PTPRT: variants seen among roughly 807,000 people sequenced by gnomAD.
PTPRT encodes the protein receptor-type tyrosine-protein phosphatase T.
PTPRT carries 56 observed loss-of-function variants against 176.8 expected under a neutral mutation model. That is an observed-to-expected ratio of 0.32 (90% CI 0.26 to 0.40). The LOEUF is 0.40. Ranked by LOEUF, PTPRT falls within the 10% of genes least tolerant of loss-of-function variation. The pLI, the probability that PTPRT is intolerant of heterozygous loss-of-function variation, is 1.00. For missense variants in PTPRT, 1,540 were observed against 1,908.2 expected, an observed-to-expected ratio of 0.81 and a Z score of 3.60; for synonymous variants, 783 against 739.0, an observed-to-expected ratio of 1.06 and a Z score of -0.96.
intron 2 of PTPRT, among the ~76,000 whole-genome samples, chr20:42,793,643 A>G (rs4812645): frequency 0.13 from 20,454 of 152,178 alleles, 1,669 homozygotes; most frequent in East Asian, 0.37. Context: ...TAAGTGGAGC[A>G]ATGTCTCTAT....
intron 11 of PTPRT, among the ~76,000 whole-genome samples, chr20:42,325,752 GC>G (rs1171630131): frequency 6.6e-6 from 1 of 152,118 alleles, no homozygotes; most frequent in Non-Finnish European, 1.5e-5. Flanking sequence ...TCTGCTCAAA[GC>G]CCCCTTATGG....
chr20:42,136,646 C>A (rs1988394338), intron 18 of PTPRT, among the ~76,000 whole-genome samples: 1 of 152,152 alleles, frequency 6.6e-6, no homozygotes, highest in Admixed American at 6.5e-5. Context: ...GAGAGGACCA[C>A]CTGTGTCCTA....
At chr20:42,789,848 T>A (rs910989491) in intron 3 of PTPRT, among the ~76,000 whole-genome samples, 1 of 152,194 alleles carries the variant, frequency 6.6e-6, no homozygotes, top group African/African-American at 2.4e-5. Context: ...ATTGCCTCAT[T>A]AAGGTAAACC....
chr20:42,630,279 C>T (rs931727295), intron 7 of PTPRT, among the ~76,000 whole-genome samples: 5 of 152,136 alleles, frequency 3.3e-5, no homozygotes, highest in African/African-American at 1.2e-4. Context: ...ACCAACACAT[C>T]CAGGCAACAC....
chr20:42,401,133 T>TAATA (rs10608287), intron 9 of PTPRT, among the ~76,000 whole-genome samples: 41,771 of 148,160 alleles, frequency 0.28, 6,406 homozygotes, highest in Middle Eastern at 0.35. Context: ...GTCAAAACAG[T>TAATA]AATAAATAAA....
chr20:42,936,263 A>T (rs981132634), intron 1 of PTPRT, among the ~76,000 whole-genome samples: 6 of 152,214 alleles, frequency 3.9e-5, no homozygotes, highest in African/African-American at 1.4e-4. Flanking sequence ...CTCCAGTGAG[A>T]AGGTAACATT....
intron 8 of PTPRT, among the ~76,000 whole-genome samples, chr20:42,450,992 T>G (rs922226784): frequency 3.3e-5 from 5 of 151,332 alleles, no homozygotes; most frequent in African/African-American, 1.2e-4. Flanking sequence ...TAAGTTAGAG[T>G]TGCTTGATAA....
intron 9 of PTPRT, among the ~76,000 whole-genome samples, chr20:42,372,279 C>CTT (rs10588893): frequency 4.8e-4 from 40 of 83,642 alleles, no homozygotes; most frequent in Non-Finnish European, 6.7e-4. Flanking sequence ...TTTCTTAACT[C>CTT]TTTTTTTTTT....
At chr20:42,890,721 G>C (rs2079177990) in intron 1 of PTPRT, among the ~76,000 whole-genome samples, 1 of 152,164 alleles carries the variant, frequency 6.6e-6, no homozygotes, top group Non-Finnish European at 1.5e-5. Flanking sequence ...ACAGGCCCCA[G>C]ACGTTGCTGC....
chr20:43,049,344 C>G (rs1044378881), intron 1 of PTPRT, among the ~76,000 whole-genome samples: 4 of 152,134 alleles, frequency 2.6e-5, no homozygotes, highest in Non-Finnish European at 5.9e-5. Context: ...TACATACATA[C>G]ATACATACAT....
At chr20:43,002,837 CAGAA>C (rs1984649987) in intron 1 of PTPRT, among the ~76,000 whole-genome samples, 1 of 150,488 alleles carries the variant, frequency 6.6e-6, no homozygotes, top group Non-Finnish European at 1.5e-5. Flanking sequence ...TTGAATGAAG[CAGAA>C]AGAGAGGCTT....
At chr20:43,105,233 G>A (rs952511439) in intron 1 of PTPRT, among the ~76,000 whole-genome samples, 2 of 152,108 alleles carry the variant, frequency 1.3e-5, no homozygotes, top group African/African-American at 4.8e-5. Flanking sequence ...TACAATCTGC[G>A]TTTACAAACC....
intron 1 of PTPRT, among the ~76,000 whole-genome samples, chr20:42,976,061 A>C (rs1367708888): frequency 1.3e-5 from 2 of 152,194 alleles, no homozygotes; most frequent in African/African-American, 4.8e-5. Flanking sequence ...TAAGAAAATG[A>C]ATGTATACAG....
chr20:42,052,497 T>C, the PTPRT span, among the ~76,000 whole-genome samples: 1 of 152,180 alleles, frequency 6.6e-6, no homozygotes, highest in Non-Finnish European at 1.5e-5. Flanking sequence ...CCCGCATACT[T>C]CCCTGTCTCC....
At chr20:42,930,758 G>T (rs1295165748) in intron 1 of PTPRT, among the ~76,000 whole-genome samples, 1 of 152,064 alleles carries the variant, frequency 6.6e-6, no homozygotes. Context: ...GGAATTACAG[G>T]CATGAGTCAC....
chr20:42,463,017 C>G (rs541822774), intron 8 of PTPRT, among the ~76,000 whole-genome samples: 1 of 152,250 alleles, frequency 6.6e-6, no homozygotes, highest in Non-Finnish European at 1.5e-5. Flanking sequence ...CCTGGTAGGT[C>G]TGTGGGTCCA....
At chr20:42,838,872 G>A (rs1438819271) in intron 2 of PTPRT, among the ~76,000 whole-genome samples, 2 of 152,074 alleles carry the variant, frequency 1.3e-5, no homozygotes, top group Middle Eastern at 3.2e-3. Context: ...GGGAACCTCT[G>A]GGGAGTCCTT....
chr20:43,159,214 T>A (rs1371464893), intron 1 of PTPRT, among the ~76,000 whole-genome samples: 1 of 152,074 alleles, frequency 6.6e-6, no homozygotes, highest in African/African-American at 2.4e-5. Context: ...ACCTGAGGGG[T>A]GAGGGAGCTG....
chr20:42,204,607 G>A (rs971070255), intron 15 of PTPRT, among the ~76,000 whole-genome samples: 2 of 152,140 alleles, frequency 1.3e-5, no homozygotes, highest in Non-Finnish European at 2.9e-5. Flanking sequence ...GAGGTGACGC[G>A]GCCATAGCTC....
Sources: allele counts gnomAD v4.1 joint callset (sites outside exome capture counted in the v4.1 genomes callset), GRCh38; gene constraint gnomAD v4.1.1; transcripts MANE v1.5; gene names NCBI Gene and HGNC (gene_info 2026-07-23, HGNC 2026-07-21).